SPESP1: variants seen among roughly 807,000 people sequenced by gnomAD.
SPESP1 encodes the protein equatorial segment protein.
In SPESP1, 1 loss-of-function variant was observed where a neutral mutation model predicts 3.1. The observed-to-expected ratio is 0.33, with a 90% CI of 0.12 to 1.54. The LOEUF (loss-of-function observed/expected upper bound fraction) is 1.54, where lower values mean the gene tolerates loss of function less well. Among genes scored for constraint, SPESP1 ranks in the 40% most tolerant of loss-of-function variants. The pLI is 0.38. For missense variants in SPESP1, 398 were observed against 410.1 expected, an observed-to-expected ratio of 0.97 and a Z score of 0.26; for synonymous variants, 138 against 150.7, an observed-to-expected ratio of 0.92 and a Z score of 0.62.
intron 1 of SPESP1, 34 bp downstream of exon 1, chr15:68,930,751 G>T (rs749706651): frequency 6.2e-7 from 1 of 1,613,330 alleles, no homozygotes. Flanking sequence ...AGCGGACCGG[G>T]GACACCCTGG....
At position 68,945,822 on chromosome 15, in the gene SPESP1, A is replaced by C. The variant is rs780374162; in HGVS notation, c.288A>C (p.Glu96Asp). The change falls in exon 2 of 2, where the codon GAA becomes GAC. Residue 96 changes from glutamate (E) to aspartate (D), a missense_variant. Physicochemically the swap from Glu to Asp is conservative, Grantham distance 45. Coordinates refer to ENST00000310673, the MANE Select transcript of SPESP1 (RefSeq NM_145658.4). Reference sequence around the variant, plus strand: ...ATGTTTTAACCAATCCTATCAGTGAAGAAACTACAACTTTCCCTACAGGAG... The same window carrying C: ...ATGTTTTAACCAATCCTATCAGTGACGAAACTACAACTTTCCCTACAGGAG... ...ENDVLTNPIS[E>D]ETTTFPTGGF... 8.7e-6 allele frequency: 14 copies of C among 1,614,006 alleles called. No individual in the cohort carries two copies. Among genetic ancestry groups the C allele is most frequent in the Non-Finnish European group, 1.2e-5 (14 of 1,180,028 alleles).
In SPESP1 at chr15:68,945,603, A is replaced by G. The variant is rs374502102; in HGVS notation, c.69A>G (p.Ile23Met). ...WPSSVPAYPS[I>M]TVTPDEEQNL... The stretch of plus-strand genomic sequence containing the variant: ...TATTTGATTTTTTCCCTGAAGGCAT[A>G]ACTGTGACACCTGATGAAGAGCAAA... Residue 23 changes from isoleucine to methionine, a missense_variant, in exon 2 of 2, where the codon ATA (isoleucine) becomes ATG (methionine). Physicochemically the swap from Ile to Met is conservative, Grantham distance 10. Transcript: ENST00000310673. 6 of 1,554,658 alleles carry G rather than the reference A, an allele frequency of 3.9e-6. No homozygotes were observed. Among genetic ancestry groups the G allele is most frequent in the South Asian group, 3.8e-5 (3 of 79,008 alleles).
At chr15:68,940,637 A>G (rs1000758559) in intron 1 of SPESP1, among the ~76,000 whole-genome samples, 2 of 151,940 alleles carry the variant, frequency 1.3e-5, no homozygotes, top group African/African-American at 4.8e-5. Context: ...TTAGTTTTTC[A>G]CAGTCTAGGT....
chr15:68,930,840 C>A (rs1895514526), intron 1 of SPESP1, 123 bp downstream of exon 1: 1 of 1,484,690 alleles, frequency 6.7e-7, no homozygotes, highest in African/African-American at 1.4e-5. Flanking sequence ...CCCCCACTGT[C>A]CGGGGTCCTG....
In SPESP1 at chr15:68,946,234, A is replaced by T. The variant is rs1191802434; in HGVS notation, c.700A>T (p.Asn234Tyr). The T allele has an allele frequency of 1.2e-6, 2 of 1,614,042 alleles. No individual in the cohort carries two copies. The highest frequency in any genetic ancestry group is 3.3e-5 in the Admixed American group (2 of 60,002). The change falls in exon 2 of 2, where the codon AAT (asparagine) becomes TAT (tyrosine). Residue 234 changes from asparagine (N) to tyrosine (Y), a missense_variant. Physicochemically the swap from Asn to Tyr is moderately radical, Grantham distance 143 (BLOSUM62 -2). Transcript: ENST00000310673. Reference sequence around the variant, plus strand: ...CATTTTGAAAAAAATTTTAGATATTAATTCACAAGTGCAACAGGCACTTCT... The same window carrying T: ...CATTTTGAAAAAAATTTTAGATATTTATTCACAAGTGCAACAGGCACTTCT... The part of the protein sequence containing the change: ...DDILKKILDI[N>Y]SQVQQALLSD...
chr15:68,931,541 A>G (rs959148036), intron 1 of SPESP1, among the ~76,000 whole-genome samples: 2 of 152,154 alleles, frequency 1.3e-5, no homozygotes, highest in Non-Finnish European at 1.5e-5. Context: ...TTTGGAGAGC[A>G]TGTGGATTGT....
At chr15:68,941,851 G>GTA (rs1460796738) in intron 1 of SPESP1, among the ~76,000 whole-genome samples, 1 of 152,084 alleles carries the variant, frequency 6.6e-6, no homozygotes, top group Non-Finnish European at 1.5e-5. Context: ...TTATGGTTAT[G>GTA]TATATATATA....
chr15:68,932,787 A>G (rs1289837324), intron 1 of SPESP1, among the ~76,000 whole-genome samples: 1 of 152,136 alleles, frequency 6.6e-6, no homozygotes, highest in Admixed American at 6.5e-5. Context: ...AGAAAAAAGG[A>G]GTGATTTTGT....
At chr15:68,930,840 C>G in intron 1 of SPESP1, 123 bp downstream of exon 1, 1 of 1,484,808 alleles carries the variant, frequency 6.7e-7, no homozygotes, top group Non-Finnish European at 9.2e-7. Context: ...CCCCCACTGT[C>G]CGGGGTCCTG....
chr15:68,935,901 C>T (rs951475031), intron 1 of SPESP1, among the ~76,000 whole-genome samples: 2 of 152,114 alleles, frequency 1.3e-5, no homozygotes, highest in African/African-American at 2.4e-5. Context: ...CAGCTCAGTT[C>T]GTTTTAAAAT....
Position 68,945,911 on chromosome 15 carries a change from C to T in SPESP1, c.377C>T (p.Pro126Leu). The T allele has an allele frequency of 6.2e-7, 1 of 1,614,008 alleles. No individual in the cohort carries two copies. The highest frequency in any genetic ancestry group is 8.5e-7 in the Non-Finnish European group (1 of 1,179,992). Residue 126 changes from proline (P) to leucine (L), a missense_variant, in exon 2 of 2, where the codon CCA (proline) becomes CTA (leucine). Transcript: ENST00000310673. ...AGTACCCCATTCTGGTCGATCAAAC[C>T]AAACAATGTTTCCATTGTTTTGCAT... is the stretch of plus-strand genomic sequence containing the variant. ...TESTPFWSIK[P>L]NNVSIVLHAE...
intron 1 of SPESP1, among the ~76,000 whole-genome samples, chr15:68,941,573 G>C (rs1168582557): frequency 6.6e-6 from 1 of 151,866 alleles, no homozygotes; most frequent in East Asian, 1.9e-4. Context: ...TCTAATCTCT[G>C]CCTCTTCCTC....
chr15:68,945,731 C>G lies in SPESP1; in HGVS notation c.197C>G (p.Ser66Cys). 1 of 1,613,972 alleles carries G rather than the reference C, an allele frequency of 6.2e-7. No individual in the cohort carries two copies. The highest frequency in any genetic ancestry group is 8.5e-7 in the Non-Finnish European group (1 of 1,179,954). Residue 66 changes from serine (S) to cysteine (C), a missense_variant, in exon 2 of 2, where the codon TCT (serine) becomes TGT (cysteine). Transcript: ENST00000310673. ...TCTAACTCTCCAAAACATGTTTATT[C>G]TATAGCATCAAAGGGATCAAAATTT... ...KKSNSPKHVY[S>C]IASKGSKFKE...
intron 1 of SPESP1, among the ~76,000 whole-genome samples, chr15:68,930,928 C>G (rs982886707): frequency 2.3e-4 from 35 of 152,152 alleles, no homozygotes; most frequent in Admixed American, 1.5e-3. Context: ...CCAGATGAGA[C>G]GGGAAGCGCC....
At chr15:68,939,425 G>T (rs530701010) in intron 1 of SPESP1, among the ~76,000 whole-genome samples, 1 of 152,288 alleles carries the variant, frequency 6.6e-6, no homozygotes, top group East Asian at 1.9e-4. Context: ...AGAAAAACAG[G>T]TTTTCACAGT....
intron 1 of SPESP1, among the ~76,000 whole-genome samples, chr15:68,932,455 A>G (rs1304990199): frequency 1.4e-5 from 2 of 144,716 alleles, no homozygotes; most frequent in Non-Finnish European, 3.0e-5. Context: ...CAGTGGCCCG[A>G]TCTCGGCTCA....
intron 1 of SPESP1, among the ~76,000 whole-genome samples, chr15:68,941,829 G>A (rs551083459): frequency 3.3e-5 from 5 of 152,244 alleles, no homozygotes; most frequent in African/African-American, 1.2e-4. Flanking sequence ...ATTTTGGCAT[G>A]TTTTTAATAT....
At position 68,946,046 on chromosome 15, in the gene SPESP1, G is replaced by A; in HGVS notation, c.512G>A (p.Ser171Asn). 1.2e-6 allele frequency: 2 copies of A among 1,614,128 alleles called. No individual in the cohort carries two copies. Among genetic ancestry groups the A allele is most frequent in the African/African-American group, 1.3e-5 (1 of 75,040 alleles). The change falls in exon 2 of 2, where the codon AGT (serine) becomes AAT (asparagine). Residue 171 changes from serine (S) to asparagine (N), a missense_variant. Ser to Asn is a conservative substitution (Grantham distance 46). Coordinates refer to ENST00000310673, the MANE Select transcript of SPESP1 (RefSeq NM_145658.4). ...MLPVVTESST[S>N]PYVTSYKSPV... ...CCAGTTGTTACTGAATCATCTACAA[G>A]TCCATATGTTACCTCATACAAGTCA...
chr15:68,931,152 T>TA (rs1895527047), intron 1 of SPESP1, among the ~76,000 whole-genome samples: 1 of 152,132 alleles, frequency 6.6e-6, no homozygotes, highest in Non-Finnish European at 1.5e-5. Flanking sequence ...GTTTGTTACA[T>TA]ATGTATCCAT....
Sources: gnomAD v4.1 joint callset for allele counts (sites outside exome capture counted in the v4.1 genomes callset) on GRCh38, gnomAD v4.1.1 for gene constraint, MANE v1.5 for transcripts, NCBI Gene and HGNC (gene_info 2026-07-23, HGNC 2026-07-21) for gene names.